The following KIAA1549 variants were observed in gnomAD, a reference collection of about 807,000 sequenced individuals.
The protein encoded by KIAA1549 is UPF0606 protein KIAA1549.
Under a neutral mutation model 156.4 loss-of-function variants are expected in KIAA1549, and 70 were observed. The observed-to-expected ratio is 0.45, with a 90% CI of 0.37 to 0.55. KIAA1549 has a LOEUF of 0.55. Ranked by LOEUF, KIAA1549 falls within the 20% of genes least tolerant of loss-of-function variation. KIAA1549 has a pLI of 0.00. For synonymous variants in KIAA1549, 1,103 were observed against 1,066.4 expected, an observed-to-expected ratio of 1.03 and a Z score of -0.67; for missense variants, 2,428 against 2,540.9, an observed-to-expected ratio of 0.96 and a Z score of 0.96.
chr7:138,897,260 T>C (rs1811708450), intron 9 of KIAA1549, among the ~76,000 whole-genome samples: 1 of 152,204 alleles, frequency 6.6e-6, no homozygotes, highest in Non-Finnish European at 1.5e-5. Context: ...AACACATCAA[T>C]ATGTGATCAT....
At position 138,864,030 on chromosome 7, in the gene KIAA1549, C is replaced by A. The variant is rs986981719; in HGVS notation, c.4930-2574G>T. ...ATGAGGAAGCCTGGTCGGCAGTGTA[C>A]CACCAACCTAGAGCTCACGGGTGGA... is the stretch of plus-strand genomic sequence containing the variant. On this transcript the variant is annotated intron_variant, in intron 15 of 19. Coordinates refer to ENST00000422774, the MANE Select transcript of KIAA1549 (RefSeq NM_001164665.2). Among the ~76,000 whole-genome samples, 6 of 152,162 alleles carry A rather than the reference C, an allele frequency of 3.9e-5. No homozygotes were observed. In the South Asian group the frequency reaches 1.2e-3, roughly 32 times the overall value.
intron 1 of KIAA1549, among the ~76,000 whole-genome samples, chr7:138,935,855 C>T (rs143571674): frequency 4.6e-5 from 7 of 152,280 alleles, no homozygotes; most frequent in East Asian, 3.9e-4. Context: ...GGGGTCACGC[C>T]GGCTGGAAGC....
At position 138,923,299 on chromosome 7, in the gene KIAA1549, A is replaced by C. The variant is rs1286059247; in HGVS notation, c.188-3861T>G. Among the ~76,000 whole-genome samples, 3 of 152,248 alleles carry C rather than the reference A, an allele frequency of 2.0e-5. No individual in the cohort carries two copies. In the South Asian group the frequency reaches 6.2e-4, roughly 32 times the overall value. ...CCTCAGCAGGAAGATCTGAGAATAG[A>C]GAATAAATGATAAACATAAGGCCAG... On this transcript the variant is annotated intron_variant, in intron 1 of 19. Coordinates refer to ENST00000422774, the MANE Select transcript of KIAA1549 (RefSeq NM_001164665.2).
rs575220122 is a variant in KIAA1549 at position 138,926,564 on chromosome 7, C to T, written c.188-7126G>A. ...TCTCCCAAAGTGCTGGGATTACAGG[C>T]ATGAGCCACTGCACCTGGCCAACTT... On this transcript the variant is annotated intron_variant, in intron 1 of 19. Transcript: ENST00000422774. Among the ~76,000 whole-genome samples, 318 of 152,304 alleles carry T rather than the reference C, an allele frequency of 2.1e-3. 1 individual carries two copies. The highest frequency in any genetic ancestry group is 3.4e-3 in the Non-Finnish European group (232 of 68,010).
chr7:138,920,582 G>A (rs921981196), intron 1 of KIAA1549, among the ~76,000 whole-genome samples: 12 of 152,180 alleles, frequency 7.9e-5, no homozygotes, highest in African/African-American at 2.9e-4. Context: ...TGTGACTGCT[G>A]TCATTATCAT....
intron 8 of KIAA1549, among the ~76,000 whole-genome samples, chr7:138,900,304 G>A (rs1011980270): frequency 2.0e-5 from 3 of 152,046 alleles, no homozygotes; most frequent in Non-Finnish European, 4.4e-5. Flanking sequence ...TTTATGCTTC[G>A]TCCTGAGAAC....
intron 16 of KIAA1549, among the ~76,000 whole-genome samples, chr7:138,856,428 C>T (rs753359306): frequency 1.6e-4 from 25 of 152,172 alleles, no homozygotes; most frequent in South Asian, 2.1e-4. Flanking sequence ...GTTGAAGGCT[C>T]GCTGATTCTT....
intron 6 of KIAA1549, among the ~76,000 whole-genome samples, chr7:138,906,183 A>G (rs1193917569): frequency 6.6e-6 from 1 of 152,244 alleles, no homozygotes; most frequent in Non-Finnish European, 1.5e-5. Flanking sequence ...CAGATATTTC[A>G]TTTGAAAAAA....
intron 1 of KIAA1549, among the ~76,000 whole-genome samples, chr7:138,965,980 A>G (rs553174517): frequency 4.0e-4 from 61 of 152,070 alleles, no homozygotes; most frequent in African/African-American, 1.4e-3. Flanking sequence ...GCCTCCCCCA[A>G]CACCAGGCAC....
intron 1 of KIAA1549, among the ~76,000 whole-genome samples, chr7:138,940,886 T>A (rs1375478528): frequency 6.6e-6 from 1 of 152,204 alleles, no homozygotes; most frequent in Admixed American, 6.5e-5. Flanking sequence ...TGTAAATTTG[T>A]TTGAGTTCTT....
chr7:138,905,093 A>C lies in KIAA1549; in HGVS notation c.3461-12T>G. 1 of 1,555,352 alleles carries C rather than the reference A, an allele frequency of 6.4e-7. No homozygotes were observed. The highest frequency in any genetic ancestry group is 2.4e-5 in the East Asian group (1 of 42,534). ...TGGATACTGGAAGGCTACAAAAGGG[A>C]AAGAATTAGGGAAGGAGAAAAATAT... On this transcript the variant is annotated splice_polypyrimidine_tract_variant and intron_variant, in intron 6 of 19. Coordinates refer to ENST00000422774, the MANE Select transcript of KIAA1549 (RefSeq NM_001164665.2).
At chr7:138,894,001 C>G (rs569538904) in intron 10 of KIAA1549, among the ~76,000 whole-genome samples, 3 of 152,198 alleles carry the variant, frequency 2.0e-5, no homozygotes, top group Non-Finnish European at 4.4e-5. Flanking sequence ...ACCCAGGAGG[C>G]GGAGGCTGCA....
At chr7:138,964,351 C>G (rs1243912842) in intron 1 of KIAA1549, among the ~76,000 whole-genome samples, 1 of 152,194 alleles carries the variant, frequency 6.6e-6, no homozygotes, top group Non-Finnish European at 1.5e-5. Context: ...GGTGCACATG[C>G]CCACCCCCAG....
At chr7:138,909,325 G>A (rs1231197780) in intron 4 of KIAA1549, among the ~76,000 whole-genome samples, 2 of 152,126 alleles carry the variant, frequency 1.3e-5, no homozygotes, top group East Asian at 1.9e-4. Flanking sequence ...GCAATGTGAC[G>A]GTGACTGGTA....
Position 138,837,204 on chromosome 7 carries a change from GA to G in KIAA1549, c.*701del. On this transcript the variant is annotated 3_prime_UTR_variant, in exon 20 of 20. Transcript: ENST00000422774. ...GGATTTTTTTTTTCTAGAACAAAAT[GA>G]AACCTTCAACATATTCTTCCACTGA... 1 of 226,118 alleles carries G rather than the reference GA, an allele frequency of 4.4e-6. No individual in the cohort carries two copies. Among genetic ancestry groups the G allele is most frequent in the Non-Finnish European group, 8.8e-6 (1 of 113,856 alleles). The allele number at this position is 226,118 out of a possible 1,614,324, so 14.0% of individuals were successfully genotyped here.
At chr7:138,923,431 T>A (rs1812618010) in intron 1 of KIAA1549, among the ~76,000 whole-genome samples, 1 of 152,068 alleles carries the variant, frequency 6.6e-6, no homozygotes, top group Non-Finnish European at 1.5e-5. Context: ...TGAAACCCTG[T>A]CTCTACTAAA....
At chr7:138,857,854 A>C (rs1025635811) in intron 16 of KIAA1549, among the ~76,000 whole-genome samples, 1 of 152,168 alleles carries the variant, frequency 6.6e-6, no homozygotes, top group African/African-American at 2.4e-5. Flanking sequence ...ACTTTTCTCC[A>C]TACTTTTCCT....
Position 138,868,135 on chromosome 7 carries a change from G to A in KIAA1549, c.4776-7C>T. The A allele has an allele frequency of 6.2e-7, 1 of 1,611,178 alleles. No homozygotes were observed. Among genetic ancestry groups the A allele is most frequent in the South Asian group, 1.1e-5 (1 of 90,638 alleles). The stretch of plus-strand genomic sequence containing the variant: ...AGAACGTTTTATCCGTGAGCTGCCA[G>A]GAAAAAGAGAAATTATCTTCGTAGG... On this transcript the variant is annotated splice_polypyrimidine_tract_variant and splice_region_variant and intron_variant, in intron 14 of 19. Transcript: ENST00000422774.
chr7:138,847,271 C>T (rs927613876), intron 17 of KIAA1549, among the ~76,000 whole-genome samples: 7 of 152,148 alleles, frequency 4.6e-5, no homozygotes, highest in African/African-American at 1.7e-4. Context: ...AATAATGGGA[C>T]TAACTTGGGT....
Sources: allele counts gnomAD v4.1 joint callset (sites outside exome capture counted in the v4.1 genomes callset), GRCh38; gene constraint gnomAD v4.1.1; transcripts MANE v1.5; gene names NCBI Gene and HGNC (gene_info 2026-07-23, HGNC 2026-07-21).